PCID2: variants seen among roughly 807,000 people sequenced by gnomAD.
PCID2 encodes PCI domain containing 2, also known as PCI domain-containing protein 2.
A neutral mutation model predicts 61.3 loss-of-function variants in PCID2; 41 were observed. That is an observed-to-expected ratio of 0.67 (90% CI 0.52 to 0.87). The LOEUF (loss-of-function observed/expected upper bound fraction) is 0.87, where lower values mean the gene tolerates loss of function less well. Among genes scored for constraint, PCID2 ranks in the 40% least tolerant of loss-of-function variants. The probability of loss-of-function intolerance (pLI) is 0.00; values close to 1 mark genes in which losing one functional copy is unlikely to be tolerated. For synonymous variants in PCID2, 187 were observed against 177.8 expected, an observed-to-expected ratio of 1.05 and a Z score of -0.41; for missense variants, 392 against 493.4, an observed-to-expected ratio of 0.79 and a Z score of 1.95.
At chr13:113,172,012 C>A in the PCID2 span, 1 of 1,613,028 alleles carries the variant, frequency 6.2e-7, no homozygotes, top group East Asian at 2.2e-5. Context: ...TCACGGGGGT[C>A]CTGGGCTCGC....
the PCID2 span, chr13:113,172,524 C>G: frequency 6.5e-6 from 2 of 306,580 alleles, no homozygotes; most frequent in African/African-American, 2.2e-5. Flanking sequence ...AGAAAGTGAC[C>G]TCCTCTGTTG....
At position 113,205,378 on chromosome 13, in the gene PCID2, T is replaced by C. The variant is rs910241493; in HGVS notation, c.36+3221A>G. 1.0e-3 allele frequency among the ~76,000 whole-genome samples: 156 copies of C among 152,284 alleles called. 1 individual carries two copies. The highest frequency in any genetic ancestry group is 4.9e-4 in the Non-Finnish European group (33 of 68,018). The stretch of plus-strand genomic sequence containing the variant: ...TAAAAAGAATGGAAAAAAACAAGCA[T>C]TGACAAGAAAGTGAAGAAATTGCAA... On this transcript the variant is annotated intron_variant, in intron 1 of 13. Transcript: ENST00000337344.
chr13:113,173,393 G>A (rs75120427), downstream of PCID2, among the ~76,000 whole-genome samples: 3 of 119,828 alleles, frequency 2.5e-5, no homozygotes, highest in Non-Finnish European at 5.6e-5. Context: ...TTAACTCTTA[G>A]TTAAGGAAGG....
At chr13:113,176,256 T>C (rs943733142), downstream of PCID2, among the ~76,000 whole-genome samples, 3 of 152,236 alleles carry the variant, frequency 2.0e-5, no homozygotes, top group African/African-American at 7.2e-5. Flanking sequence ...CTCTTATAGT[T>C]TGTGTTCTTC....
At chr13:113,195,268 C>T (rs1374219265) in intron 5 of PCID2, 143 bp from the exon 6 acceptor site, 3 of 662,692 alleles carry the variant, frequency 4.5e-6, no homozygotes, top group Non-Finnish European at 2.8e-6. Flanking sequence ...TGTCTGCTTC[C>T]TCACCTTCTG....
intron 1 of PCID2, among the ~76,000 whole-genome samples, chr13:113,203,470 G>C (rs1228968252): frequency 1.3e-5 from 2 of 152,230 alleles, no homozygotes; most frequent in Non-Finnish European, 1.5e-5. Flanking sequence ...CAGATACTAA[G>C]ATCCTCAGCT....
At chr13:113,193,052 G>C (rs918920886) in intron 6 of PCID2, among the ~76,000 whole-genome samples, 6 of 152,056 alleles carry the variant, frequency 3.9e-5, no homozygotes, top group Non-Finnish European at 8.8e-5. Context: ...TCCCTGACTT[G>C]ATCTGGACCT....
intron 7 of PCID2, 194 bp downstream of exon 7, chr13:113,190,676 ACT>A: frequency 2.4e-6 from 1 of 424,816 alleles, no homozygotes; most frequent in Admixed American, 4.2e-5. Context: ...GCAAATGAAG[ACT>A]CTTTTTTCCC....
chr13:113,201,797 C>A (rs1303172798), intron 1 of PCID2, among the ~76,000 whole-genome samples: 3 of 111,240 alleles, frequency 2.7e-5, no homozygotes, highest in African/African-American at 1.1e-4. Context: ...GCCTGGGCGA[C>A]AGAGCAAGAC....
rs777261444 is a variant in PCID2, at chr13:113,196,180, C to A, written c.308+1G>T. 3 of 1,605,294 alleles carry A rather than the reference C, an allele frequency of 1.9e-6. No individual in the cohort carries two copies. Among genetic ancestry groups the A allele is most frequent in the South Asian group, 1.1e-5 (1 of 90,396 alleles). On this transcript the variant is annotated splice_donor_variant, in intron 5 of 13. Transcript: ENST00000337344. LOFTEE classifies it high-confidence loss of function. ...ATTCAGCTGTTTCTGTTCACACTTA[C>A]CAGTTTTCTTCTTTGTGGGCCTGGA... is the stretch of plus-strand genomic sequence containing the variant.
chr13:113,195,116 A>C lies in PCID2; in HGVS notation c.318T>G (p.Pro106=), dbSNP rs199505860. ...QAHKEENWAL[P]VMYAVALDLR... The stretch of plus-strand genomic sequence containing the variant: ...GGTCAAGCGCTACTGCATACATGAC[A>C]GGCAGAGCCCTGCAGGGCAAAAAAG... The change falls in exon 6 of 14, where the codon CCT becomes CCG. Residue 106 remains proline (P), a synonymous_variant. Coordinates refer to ENST00000337344, the MANE Select transcript of PCID2 (RefSeq NM_001127202.4). 5 of 1,610,098 alleles carry C rather than the reference A, an allele frequency of 3.1e-6. No individual in the cohort carries two copies. In the East Asian group the frequency reaches 1.1e-4, roughly 36 times the overall value.
chr13:113,185,400 A>C, intron 8 of PCID2, 85 bp downstream of exon 8: 3 of 904,966 alleles, frequency 3.3e-6, no homozygotes, highest in Non-Finnish European at 5.5e-6. Flanking sequence ...AACGCCAGGG[A>C]GGCTAGCTGA....
intron 1 of PCID2, among the ~76,000 whole-genome samples, chr13:113,204,606 A>G (rs2039667835): frequency 6.6e-6 from 1 of 152,070 alleles, no homozygotes; most frequent in Admixed American, 6.5e-5. Context: ...GGGTGACCTG[A>G]CCAGAGGAGG....
downstream of PCID2, among the ~76,000 whole-genome samples, chr13:113,176,806 C>A (rs2138627256): frequency 6.6e-6 from 1 of 152,226 alleles, no homozygotes; most frequent in East Asian, 1.9e-4. Context: ...CCATCTCTAG[C>A]ACAGCAAGAA....
chr13:113,172,844 G>A (rs750912828), downstream of PCID2, among the ~76,000 whole-genome samples: 1 of 152,214 alleles, frequency 6.6e-6, no homozygotes, highest in Non-Finnish European at 1.5e-5. Flanking sequence ...TCATGCCTCA[G>A]GGTCGCCCAG....
the PCID2 span, chr13:113,166,156 GA>G: frequency 6.6e-6 from 1 of 152,158 alleles, no homozygotes; most frequent in Non-Finnish European, 1.5e-5. Flanking sequence ...TTGTCCAATA[GA>G]AATGCAGTGT....
the PCID2 span, chr13:113,170,577 C>T: frequency 2.1e-4 from 233 of 1,104,710 alleles, 1 homozygote; most frequent in African/African-American, 3.2e-3. Flanking sequence ...TGGAAATACA[C>T]TATCCTATGT....
At chr13:113,196,879 G>T (rs1174541398) in intron 4 of PCID2, 3 of 680,982 alleles carry the variant, frequency 4.4e-6, no homozygotes, top group African/African-American at 1.8e-5. Flanking sequence ...GACTTAACCA[G>T]TCCCTGTAAA....
At chr13:113,193,953 G>A (rs2038809082) in intron 6 of PCID2, among the ~76,000 whole-genome samples, 1 of 152,160 alleles carries the variant, frequency 6.6e-6, no homozygotes, top group African/African-American at 2.4e-5. Context: ...GGTAATCAGT[G>A]TCGATTAGAT....
Sources: gnomAD v4.1 joint callset for allele counts (sites outside exome capture counted in the v4.1 genomes callset) on GRCh38, gnomAD v4.1.1 for gene constraint, MANE v1.5 for transcripts, NCBI Gene and HGNC (gene_info 2026-07-23, HGNC 2026-07-21) for gene names.